Variants in TBC1D2B observed in about 807,000 individuals in gnomAD.
TBC1D2B encodes the protein TBC1 domain family member 2B, also known as TBC1 domain family, member 2B.
In TBC1D2B, 64 loss-of-function variants were observed where a neutral mutation model predicts 100.8. The observed-to-expected ratio is 0.64, with a 90% CI of 0.52 to 0.78. TBC1D2B has a LOEUF of 0.78. TBC1D2B is among the 30% of genes least tolerant of loss of function. The probability of loss-of-function intolerance (pLI) is 0.00; values close to 1 mark genes in which losing one functional copy is unlikely to be tolerated. For missense variants in TBC1D2B, 1,052 were observed against 1,218.4 expected, an observed-to-expected ratio of 0.86 and a Z score of 2.03; for synonymous variants, 480 against 479.7, an observed-to-expected ratio of 1.00 and a Z score of -0.01.
intron 8 of TBC1D2B, among the ~76,000 whole-genome samples, 185 bp downstream of exon 8, chr15:78,016,361 C>T (rs568290491): frequency 3.9e-5 from 6 of 152,280 alleles, no homozygotes; most frequent in African/African-American, 1.2e-4. Flanking sequence ...TGGTAAGTCC[C>T]CGCTCTATGA....
chr15:78,002,146 A>G (rs896469169), intron 11 of TBC1D2B, among the ~76,000 whole-genome samples: 13 of 152,116 alleles, frequency 8.5e-5, no homozygotes, highest in African/African-American at 3.1e-4. Context: ...TTCCATCTCA[A>G]CTGGTGCACT....
At chr15:78,003,915 A>G in intron 10 of TBC1D2B, among the ~76,000 whole-genome samples, 1 of 152,324 alleles carries the variant, frequency 6.6e-6, no homozygotes, top group East Asian at 1.9e-4. Flanking sequence ...AAAAGGAAGC[A>G]GCATCACCAC....
chr15:78,028,591 T>C (rs1031860226), intron 4 of TBC1D2B, among the ~76,000 whole-genome samples: 26 of 152,220 alleles, frequency 1.7e-4, no homozygotes, highest in Non-Finnish European at 3.1e-4. Flanking sequence ...TCAATCTTAA[T>C]ATCAAAAGAG....
chr15:78,001,566 C>G (rs2071913632), intron 12 of TBC1D2B, 53 bp downstream of exon 12: 1 of 1,554,704 alleles, frequency 6.4e-7, no homozygotes, highest in East Asian at 2.3e-5. Flanking sequence ...CTCAAGGAGG[C>G]AGGGGTCAGG....
chr15:78,063,399 C>T (rs2073589577), intron 1 of TBC1D2B, among the ~76,000 whole-genome samples: 1 of 152,222 alleles, frequency 6.6e-6, no homozygotes, highest in Admixed American at 6.5e-5. Context: ...AAAATCAATC[C>T]TCTCAGCATT....
intron 6 of TBC1D2B, among the ~76,000 whole-genome samples, chr15:78,020,346 G>T (rs759334310): frequency 5.9e-5 from 9 of 152,324 alleles, no homozygotes; most frequent in Non-Finnish European, 1.2e-4. Context: ...CAGCCGCCAT[G>T]TATGTCTTTA....
At chr15:78,023,708 G>A (rs2072576359) in intron 6 of TBC1D2B, among the ~76,000 whole-genome samples, 1 of 152,168 alleles carries the variant, frequency 6.6e-6, no homozygotes. Flanking sequence ...TTGGAAGCTG[G>A]AGTCCGCTTC....
At chr15:78,019,622 T>C (rs1218791507) in intron 6 of TBC1D2B, among the ~76,000 whole-genome samples, 1 of 151,808 alleles carries the variant, frequency 6.6e-6, no homozygotes, top group Non-Finnish European at 1.5e-5. Flanking sequence ...GAATGGTGAC[T>C]CATGCCTGTA....
intron 3 of TBC1D2B, among the ~76,000 whole-genome samples, chr15:78,039,423 G>A (rs539312296): frequency 1.3e-5 from 2 of 152,310 alleles, no homozygotes; most frequent in Admixed American, 1.3e-4. Context: ...AGTCAAGAGA[G>A]AAGCAAAAAC....
At position 77,998,224 on chromosome 15, in the gene TBC1D2B, A is replaced by G; in HGVS notation, c.2828T>C (p.Leu943Pro). The change falls in exon 13 of 13, where the codon CTG becomes CCG. Residue 943 changes from leucine (L) to proline (P), a missense_variant. Transcript: ENST00000300584. Reference protein sequence around the residue: ...TELEAIREDFLRERDTSPDKG... With the variant: ...TELEAIREDFPRERDTSPDKG... ...GTCAGGGCTGGTGTCCCGCTCACGC[A>G]GGAAGTCCTCACGGATGGCCTCCAG... The G allele has an allele frequency of 6.3e-7, 1 of 1,578,264 alleles. No individual in the cohort carries two copies. Among genetic ancestry groups the G allele is most frequent in the Non-Finnish European group, 8.6e-7 (1 of 1,162,812 alleles).
At chr15:78,046,285 T>C (rs1231410576) in intron 2 of TBC1D2B, among the ~76,000 whole-genome samples, 1 of 152,244 alleles carries the variant, frequency 6.6e-6, no homozygotes, top group Non-Finnish European at 1.5e-5. Context: ...TAACATAATC[T>C]GCACTGGTAT....
chr15:78,069,428 C>T (rs945982750), intron 1 of TBC1D2B, among the ~76,000 whole-genome samples: 2 of 152,224 alleles, frequency 1.3e-5, no homozygotes, highest in South Asian at 4.1e-4. Flanking sequence ...CATTTATCTA[C>T]TTTTAAATCT....
chr15:78,040,947 T>C (rs2073082107), intron 3 of TBC1D2B, among the ~76,000 whole-genome samples: 1 of 146,972 alleles, frequency 6.8e-6, no homozygotes, highest in Non-Finnish European at 1.5e-5. Flanking sequence ...AAGAGATCAA[T>C]CTGGGGATAC....
chr15:78,070,894 C>T (rs1041828905), intron 1 of TBC1D2B, among the ~76,000 whole-genome samples: 1 of 152,234 alleles, frequency 6.6e-6, no homozygotes, highest in African/African-American at 2.4e-5. Context: ...GCCACCTCAG[C>T]TTGCTGCAAC....
intron 1 of TBC1D2B, among the ~76,000 whole-genome samples, chr15:78,062,235 TAA>T (rs1188940880): frequency 6.6e-6 from 1 of 152,130 alleles, no homozygotes; most frequent in Non-Finnish European, 1.5e-5. Context: ...TCTTGGAAGG[TAA>T]AGGGCTTTCT....
In TBC1D2B at chr15:78,001,608, C is replaced by T. The variant is rs2071915741; in HGVS notation, c.2696+11G>A. 2 of 1,606,056 alleles carry T rather than the reference C, an allele frequency of 1.2e-6. No individual in the cohort carries two copies. The highest frequency in any genetic ancestry group is 1.3e-5 in the African/African-American group (1 of 74,726). On this transcript the variant is annotated intron_variant, in intron 12 of 12. Transcript: ENST00000300584. ...GCTCTCCTTGACATCTGAGAACTCCCCAGGACTCACCTAGCATCAAGGATA... is the reference window on the plus strand; with the variant it reads ...GCTCTCCTTGACATCTGAGAACTCCTCAGGACTCACCTAGCATCAAGGATA...
At chr15:78,012,403 G>T (rs1330040949) in intron 9 of TBC1D2B, among the ~76,000 whole-genome samples, 1 of 152,196 alleles carries the variant, frequency 6.6e-6, no homozygotes, top group Non-Finnish European at 1.5e-5. Flanking sequence ...TCCATGAAGG[G>T]CTAAGTTTCA....
Position 78,077,441 on chromosome 15 carries a change from T to C in TBC1D2B, c.212A>G (p.Lys71Arg), listed in dbSNP as rs539291958. Residue 71 changes from lysine (K) to arginine (R), a missense_variant, in exon 1 of 13, where the codon AAG (lysine) becomes AGG (arginine). By Grantham distance (26) the Lys-to-Arg change is conservative. This residue lies in a region of TBC1D2B where 627 missense variants were observed against 646.1 expected (regional missense o/e 0.97). Coordinates refer to ENST00000300584, the MANE Select transcript of TBC1D2B (RefSeq NM_144572.2). ...GAGGGGCAGCGCGTCCTGCGGACTC[T>C]TGAAATAGTAAAGGTAGCAGCGGCG... Reference protein sequence around the residue: ...DARRCYLYYFKSPQDALPLGH... With the variant: ...DARRCYLYYFRSPQDALPLGH... 2.7e-5 allele frequency: 42 copies of C among 1,543,992 alleles called. No homozygotes were observed. Among genetic ancestry groups the C allele is most frequent in the Admixed American group, 2.4e-4 (12 of 50,686 alleles).
At chr15:78,044,825 C>A (rs2073162451) in intron 3 of TBC1D2B, 75 bp downstream of exon 3, 1 of 1,308,340 alleles carries the variant, frequency 7.6e-7, no homozygotes, top group Non-Finnish European at 1.0e-6. Flanking sequence ...TTTATAACTT[C>A]ATTTATAAAA....
Sources: gnomAD v4.1 joint callset for allele counts (sites outside exome capture counted in the v4.1 genomes callset) on GRCh38, gnomAD v4.1.1 for gene constraint, gnomAD v4.1.1 regional missense constraint, MANE v1.5 for transcripts, NCBI Gene and HGNC (gene_info 2026-07-23, HGNC 2026-07-21) for gene names.